The following KDM4C variants were observed in gnomAD, a reference collection of about 807,000 sequenced individuals.
KDM4C encodes the protein lysine demethylase 4C.
A neutral mutation model predicts 129.3 loss-of-function variants in KDM4C; 81 were observed. The ratio of observed to expected loss-of-function variants is 0.63; its 90% CI spans 0.52 to 0.75. The LOEUF is 0.75. Ranked by LOEUF, KDM4C falls within the 30% of genes least tolerant of loss-of-function variation. The probability of loss-of-function intolerance (pLI) is 0.00; values close to 1 mark genes in which losing one functional copy is unlikely to be tolerated. For missense variants in KDM4C, 1,457 were observed against 1,304.0 expected (o/e 1.12, Z -1.81); for synonymous variants, 573 against 456.1 (o/e 1.26, Z -3.26).
chr9:6,895,703 T>C (rs1439289475), intron 8 of KDM4C, among the ~76,000 whole-genome samples: 1 of 152,072 alleles, frequency 6.6e-6, no homozygotes, highest in African/African-American at 2.4e-5. Context: ...AATTCAAGAC[T>C]AGTCTTAGCA....
chr9:6,749,441 C>T (rs1817996888), intron 1 of KDM4C, among the ~76,000 whole-genome samples: 2 of 152,086 alleles, frequency 1.3e-5, no homozygotes, highest in Admixed American at 6.6e-5. Flanking sequence ...TGGATAAAAT[C>T]AGGTAACACT....
intron 1 of KDM4C, among the ~76,000 whole-genome samples, chr9:6,721,679 C>G (rs185223519): frequency 6.6e-6 from 1 of 151,726 alleles, no homozygotes; most frequent in Non-Finnish European, 1.5e-5. Context: ...ACCTCCGCCT[C>G]CCGGGTTCAA....
intron 17 of KDM4C, among the ~76,000 whole-genome samples, chr9:7,068,855 C>T (rs1051897447): frequency 6.6e-6 from 1 of 151,868 alleles, no homozygotes; most frequent in Non-Finnish European, 1.5e-5. Context: ...CACCACCACG[C>T]CCAGCTAGTT....
intron 4 of KDM4C, among the ~76,000 whole-genome samples, chr9:6,836,092 G>A (rs1042850880): frequency 4.6e-5 from 7 of 152,120 alleles, no homozygotes; most frequent in African/African-American, 1.4e-4. Flanking sequence ...GTCTCCCTGG[G>A]AGTGGGTACA....
At chr9:6,782,629 G>A (rs556657743) in intron 1 of KDM4C, among the ~76,000 whole-genome samples, 1 of 152,056 alleles carries the variant, frequency 6.6e-6, no homozygotes, top group Non-Finnish European at 1.5e-5. Context: ...TGGGAACATC[G>A]AGTGGTTTAA....
intron 5 of KDM4C, among the ~76,000 whole-genome samples, chr9:6,855,347 T>C (rs530299179): frequency 5.0e-4 from 76 of 150,758 alleles, no homozygotes; most frequent in Admixed American, 2.0e-3. Flanking sequence ...TAGTCCCAGC[T>C]ACTCGGGAGG....
intron 13 of KDM4C, among the ~76,000 whole-genome samples, chr9:7,013,492 A>G (rs1290670929): frequency 6.6e-6 from 1 of 152,248 alleles, no homozygotes; most frequent in Non-Finnish European, 1.5e-5. Flanking sequence ...ATGAAGAAGC[A>G]AAAGAATTGA....
rs1195755474 is a variant in KDM4C at position 6,992,894 on chromosome 9, C to G, written c.1786+2370C>G. ...TTTCTCTATTGAAGCTGGAAAGTTT[C>G]TCCCTAACAGAAAGGCTGCACAGGG... On this transcript the variant is annotated intron_variant, in intron 12 of 21. Transcript: ENST00000381309. Among the ~76,000 whole-genome samples, 14 of 152,202 alleles carry G rather than the reference C, an allele frequency of 9.2e-5. No individual in the cohort carries two copies. In the East Asian group the frequency reaches 2.5e-3, roughly 27 times the overall value.
rs190538135 is a variant in KDM4C, at chr9:6,842,187, A to C, written c.436-7320A>C. 8.8e-3 allele frequency among the ~76,000 whole-genome samples: 1,334 copies of C among 152,276 alleles called. 26 individuals are homozygous for C. Among genetic ancestry groups the C allele is most frequent in the African/African-American group, 0.03 (1,247 of 41,562 alleles). ...TCACAACCACTAACTTCATATTTAT[A>C]GCCTGTCTCCAAAACTCCTCCTTCC... On this transcript the variant is annotated intron_variant, in intron 4 of 21. Coordinates refer to ENST00000381309, the MANE Select transcript of KDM4C (RefSeq NM_015061.6).
chr9:6,951,943 T>C (rs1230719121), intron 8 of KDM4C, among the ~76,000 whole-genome samples: 3 of 152,228 alleles, frequency 2.0e-5, no homozygotes, highest in African/African-American at 4.8e-5. Context: ...TTTCTCTTTA[T>C]GCCTTTAATA....
At position 7,068,042 on chromosome 9, in the gene KDM4C, C is replaced by A. The variant is rs10976022; in HGVS notation, c.2424+18842C>A. Among the ~76,000 whole-genome samples the A allele has an allele frequency of 7.1e-3, 1,080 of 152,090 alleles. 8 individuals are homozygous for A. Among genetic ancestry groups the A allele is most frequent in the Non-Finnish European group, 0.011 (741 of 67,980 alleles). ...CGATCTCCTGACCTCGTGATCCACC[C>A]GCCTCGGCCTCCCAAAGTGCTGGGA... On this transcript the variant is annotated intron_variant, in intron 17 of 21. Transcript: ENST00000381309.
intron 17 of KDM4C, among the ~76,000 whole-genome samples, chr9:7,058,160 A>G (rs899242996): frequency 1.3e-5 from 2 of 152,220 alleles, no homozygotes; most frequent in Admixed American, 1.3e-4. Context: ...AGCAGTCAGA[A>G]GAGTTCAGTC....
intron 8 of KDM4C, among the ~76,000 whole-genome samples, chr9:6,947,238 C>T (rs545242184): frequency 6.6e-6 from 1 of 152,058 alleles, no homozygotes; most frequent in Non-Finnish European, 1.5e-5. Context: ...CTAAATAGCT[C>T]TAGATGTGAA....
At chr9:6,822,852 G>A (rs1300630515) in intron 4 of KDM4C, among the ~76,000 whole-genome samples, 1 of 152,230 alleles carries the variant, frequency 6.6e-6, no homozygotes, top group Non-Finnish European at 1.5e-5. Context: ...CAGTAGCCAT[G>A]TACACCTGCA....
chr9:7,011,953 A>C, intron 13 of KDM4C, 74 bp downstream of exon 13: 1 of 1,291,262 alleles, frequency 7.7e-7, no homozygotes, highest in East Asian at 2.3e-5. Flanking sequence ...AGATCACTGT[A>C]AATTGTTGTG....
chr9:6,971,078 G>T (rs1356965079), intron 8 of KDM4C, among the ~76,000 whole-genome samples: 1 of 152,076 alleles, frequency 6.6e-6, no homozygotes, highest in African/African-American at 2.4e-5. Context: ...AAAAATTTTT[G>T]TGCCAGTGGA....
Position 6,757,980 on chromosome 9 carries a change from G to C in KDM4C, c.-241G>C. 2.0e-6 allele frequency: 2 copies of C among 985,376 alleles called. No individual in the cohort carries two copies. The highest frequency in any genetic ancestry group is 2.4e-6 in the Non-Finnish European group (2 of 829,894). 61.0% of individuals were successfully genotyped at this position (985,376 alleles called of 1,614,324 possible). On this transcript the variant is annotated 5_prime_UTR_variant, in exon 1 of 22. Transcript: ENST00000381309. ...GCGCGCCCTCGCGCAGGGAGAGCCG[G>C]CGGTGCGCGCGCCTTCGCCGCTGCC...
intron 15 of KDM4C, among the ~76,000 whole-genome samples, chr9:7,023,579 T>TA (rs1204764992): frequency 1.3e-5 from 2 of 152,086 alleles, no homozygotes; most frequent in African/African-American, 4.8e-5. Context: ...TCTTTCTTTT[T>TA]AAAAAACATC....
Position 6,893,217 on chromosome 9 carries a change from A to T in KDM4C, c.906A>T (p.Gly302=). The T allele has an allele frequency of 6.2e-7, 1 of 1,609,272 alleles. No individual in the cohort carries two copies. Among genetic ancestry groups the T allele is most frequent in the Non-Finnish European group, 8.5e-7 (1 of 1,178,032 alleles). ...NFATVRWIDY[G]KVAKLCTCRK... is the part of the protein sequence containing the mutation. ...CTACTGTCAGATGGATTGACTATGG[A>T]AAAGTTGCCAAATTGGTAAGCTATG... The change falls in exon 8 of 22, where the codon GGA becomes GGT. Residue 302 remains glycine, a synonymous_variant. Coordinates refer to ENST00000381309, the MANE Select transcript of KDM4C (RefSeq NM_015061.6).
Sources: gnomAD v4.1 joint callset for allele counts (sites outside exome capture counted in the v4.1 genomes callset) on GRCh38, gnomAD v4.1.1 for gene constraint, MANE v1.5 for transcripts, NCBI Gene and HGNC (gene_info 2026-07-23, HGNC 2026-07-21) for gene names.